The following PLCL1 variants were observed in gnomAD, a reference collection of about 807,000 sequenced individuals.
PLCL1 encodes the protein inactive phospholipase C-like protein 1.
PLCL1 carries 41 observed loss-of-function variants against 84.4 expected under a neutral mutation model. That is an observed-to-expected ratio of 0.49 (90% CI 0.38 to 0.63). The LOEUF (loss-of-function observed/expected upper bound fraction) is 0.63. PLCL1 is among the 30% of genes least tolerant of loss of function. The pLI is 0.00. For synonymous variants in PLCL1, 490 were observed against 488.3 expected (o/e 1.00, Z -0.05); for missense variants, 1,206 against 1,367.8 (o/e 0.88, Z 1.87).
At chr2:197,932,336 A>G (rs962510890) in intron 1 of PLCL1, among the ~76,000 whole-genome samples, 2 of 152,184 alleles carry the variant, frequency 1.3e-5, no homozygotes, top group African/African-American at 2.4e-5. Flanking sequence ...TGAGGTACTT[A>G]CACTTTTTTG....
chr2:197,922,999 G>A (rs1688743236), intron 1 of PLCL1, among the ~76,000 whole-genome samples: 1 of 111,264 alleles, frequency 9.0e-6, no homozygotes, highest in Non-Finnish European at 1.9e-5. Context: ...GCCGGGCAGA[G>A]GGGCTCCTCA....
At chr2:197,824,114 A>T (rs976763881) in intron 1 of PLCL1, among the ~76,000 whole-genome samples, 1 of 152,172 alleles carries the variant, frequency 6.6e-6, no homozygotes, top group African/African-American at 2.4e-5. Flanking sequence ...CTAAAATTTC[A>T]TATTAATGAA....
chr2:197,923,252 G>T (rs1373242517), intron 1 of PLCL1, among the ~76,000 whole-genome samples: 11 of 149,380 alleles, frequency 7.4e-5, no homozygotes, highest in Admixed American at 2.6e-4. Flanking sequence ...GCCGGGCGGG[G>T]GGCTGACCCC....
intron 5 of PLCL1, among the ~76,000 whole-genome samples, chr2:198,123,111 A>G (rs1252744625): frequency 1.3e-5 from 2 of 152,140 alleles, no homozygotes; most frequent in African/African-American, 4.8e-5. Context: ...ACACTTCATA[A>G]TAACAATTAA....
intron 1 of PLCL1, among the ~76,000 whole-genome samples, chr2:197,809,517 C>T (rs1278100923): frequency 6.6e-6 from 1 of 152,140 alleles, no homozygotes; most frequent in South Asian, 2.1e-4. Context: ...GTTGATTATT[C>T]TAGAAAGGGA....
intron 1 of PLCL1, among the ~76,000 whole-genome samples, chr2:197,806,619 A>G (rs1690490945): frequency 6.6e-6 from 1 of 152,232 alleles, no homozygotes; most frequent in African/African-American, 2.4e-5. Context: ...ATTATGTAAC[A>G]GGAGTGTTCT....
intron 5 of PLCL1, among the ~76,000 whole-genome samples, chr2:198,127,330 A>G (rs1170643652): frequency 6.6e-6 from 1 of 152,182 alleles, no homozygotes; most frequent in East Asian, 1.9e-4. Context: ...GCTTTACATC[A>G]TGTTAGATTA....
chr2:197,830,704 C>A (rs1255091876), intron 1 of PLCL1, among the ~76,000 whole-genome samples: 2 of 151,922 alleles, frequency 1.3e-5, no homozygotes, highest in Admixed American at 1.3e-4. Context: ...AAGAGCAACC[C>A]CAAGACACAT....
rs1694539395 is a variant in PLCL1, at chr2:198,147,068, A to G, written c.*106A>G. ...ATAAGTTCACAAAATGGTGCCCTAT[A>G]TGGGGTATTGGACATAGATATTTTC... is the stretch of plus-strand genomic sequence containing the variant. On this transcript the variant is annotated 3_prime_UTR_variant, in exon 6 of 6. Coordinates refer to ENST00000428675, the MANE Select transcript of PLCL1 (RefSeq NM_006226.4). 2.4e-6 allele frequency: 2 copies of G among 821,328 alleles called. No individual in the cohort carries two copies. Among genetic ancestry groups the G allele is most frequent in the African/African-American group, 1.7e-5 (1 of 57,802 alleles). The allele number at this position is 821,328 out of a possible 1,614,324, so 50.9% of individuals were successfully genotyped here.
At chr2:198,040,592 C>T (rs532544249) in intron 1 of PLCL1, among the ~76,000 whole-genome samples, 69 of 152,246 alleles carry the variant, frequency 4.5e-4, no homozygotes, top group Non-Finnish European at 6.5e-4. Flanking sequence ...GGCTTATGAG[C>T]TTCCCTGGGA....
chr2:197,936,133 C>T (rs1689047587), intron 1 of PLCL1, among the ~76,000 whole-genome samples: 1 of 141,480 alleles, frequency 7.1e-6, no homozygotes, highest in African/African-American at 2.6e-5. Context: ...TATTAAACAC[C>T]CCCCCCCTCA....
chr2:197,944,758 A>T (rs1319225905), intron 1 of PLCL1, among the ~76,000 whole-genome samples: 2 of 152,186 alleles, frequency 1.3e-5, no homozygotes, highest in Non-Finnish European at 2.9e-5. Context: ...TAAAGTATCC[A>T]GTATCTCAAT....
intron 1 of PLCL1, among the ~76,000 whole-genome samples, chr2:197,970,043 CT>C (rs1406672309): frequency 1.3e-5 from 2 of 152,178 alleles, no homozygotes; most frequent in African/African-American, 4.8e-5. Flanking sequence ...CTATATGTGG[CT>C]ATTGAGCCCC....
chr2:198,146,762 GT>G lies in PLCL1; in HGVS notation c.3106-11del. ...CCCATAACTGTCTTCTTTGATGCCT[GT>G]TTTTTTCTGTTTGTAGGGCCAAGGA... On this transcript the variant is annotated splice_polypyrimidine_tract_variant and intron_variant, in intron 5 of 5. Coordinates refer to ENST00000428675, the MANE Select transcript of PLCL1 (RefSeq NM_006226.4). The G allele has an allele frequency of 1.2e-6, 2 of 1,602,386 alleles. No individual in the cohort carries two copies. Among genetic ancestry groups the G allele is most frequent in the Non-Finnish European group, 1.7e-6 (2 of 1,172,828 alleles).
rs183829380 is a variant in PLCL1 at position 197,951,637 on chromosome 2, G to A, written c.241-132121G>A. 5.9e-5 allele frequency among the ~76,000 whole-genome samples: 9 copies of A among 152,212 alleles called. No homozygotes were observed. In the East Asian group the frequency reaches 1.2e-3, roughly 20 times the overall value. ...TCCCTTAATAACACAGGCTATTTTA[G>A]CATTCTTCTAATATATTTTAATTTT... is the stretch of plus-strand genomic sequence containing the variant. On this transcript the variant is annotated intron_variant, in intron 1 of 5. Transcript: ENST00000428675.
chr2:198,141,579 A>G (rs1694389481), intron 5 of PLCL1, among the ~76,000 whole-genome samples: 1 of 152,074 alleles, frequency 6.6e-6, no homozygotes, highest in South Asian at 2.1e-4. Flanking sequence ...TTACCTCTTC[A>G]GAGCAAAGGA....
At chr2:197,808,623 G>A (rs1236992249) in intron 1 of PLCL1, among the ~76,000 whole-genome samples, 4 of 152,094 alleles carry the variant, frequency 2.6e-5, no homozygotes, top group African/African-American at 4.8e-5. Flanking sequence ...GCATTGAAAT[G>A]TACACAAAGA....
At chr2:197,882,138 C>G (rs901522757) in intron 1 of PLCL1, among the ~76,000 whole-genome samples, 1 of 152,058 alleles carries the variant, frequency 6.6e-6, no homozygotes, top group Non-Finnish European at 1.5e-5. Context: ...TTCCTCAGGG[C>G]AGTGGAGGGG....
chr2:198,086,490 G>C (rs541999126), intron 2 of PLCL1, among the ~76,000 whole-genome samples: 1 of 152,122 alleles, frequency 6.6e-6, no homozygotes, highest in Non-Finnish European at 1.5e-5. Context: ...ATGTGGTGGC[G>C]AGCACGTGTA....
Sources: allele counts gnomAD v4.1 joint callset (sites outside exome capture counted in the v4.1 genomes callset), GRCh38; gene constraint gnomAD v4.1.1; transcripts MANE v1.5; gene names NCBI Gene and HGNC (gene_info 2026-07-23, HGNC 2026-07-21).